The following CAPZA1 variants were observed in gnomAD, a reference collection of about 807,000 sequenced individuals.
CAPZA1 encodes the protein F-actin-capping protein subunit alpha-1.
CAPZA1 carries 10 observed loss-of-function variants against 40.8 expected under a neutral mutation model. That is an observed-to-expected ratio of 0.25 (90% CI 0.15 to 0.42). CAPZA1 has a LOEUF of 0.42. Among genes scored for constraint, CAPZA1 ranks in the 10% least tolerant of loss-of-function variants. The pLI is 1.00. For synonymous variants in CAPZA1, 98 were observed against 115.0 expected (o/e 0.85, Z 0.95); for missense variants, 277 against 353.8 (o/e 0.78, Z 1.74).
intron 1 of CAPZA1, among the ~76,000 whole-genome samples, chr1:112,640,187 TGG>T (rs1443267937): frequency 1.3e-4 from 11 of 83,410 alleles, no homozygotes; most frequent in Non-Finnish European, 1.2e-4. Flanking sequence ...GGGAGGGAGG[TGG>T]GGGGGTCAGC....
intron 3 of CAPZA1, 76 bp from the exon 4 acceptor site, chr1:112,653,522 G>A: frequency 1.1e-6 from 1 of 933,004 alleles, no homozygotes; most frequent in East Asian, 2.7e-5. Context: ...ACCACCTTTT[G>A]TGTTTATTTA....
chr1:112,666,567 A>G (rs1253004847), intron 7 of CAPZA1, among the ~76,000 whole-genome samples: 2 of 152,238 alleles, frequency 1.3e-5, no homozygotes, highest in African/African-American at 4.8e-5. Flanking sequence ...ATTTACCAAT[A>G]AAATATTTGT....
intron 1 of CAPZA1, among the ~76,000 whole-genome samples, chr1:112,624,005 C>CAAAAAAAA (rs749422218): frequency 1.6e-4 from 12 of 74,784 alleles, no homozygotes; most frequent in African/African-American, 3.7e-4. Context: ...GACTCCATCT[C>CAAAAAAAA]AAAAAAAAAA....
chr1:112,651,297 T>G (rs562484232), intron 3 of CAPZA1, among the ~76,000 whole-genome samples: 3 of 152,332 alleles, frequency 2.0e-5, no homozygotes, highest in South Asian at 2.1e-4. Flanking sequence ...AAGATTGTTT[T>G]GAGTAGAGAA....
chr1:112,650,120 A>T (rs1171274967), intron 3 of CAPZA1: 1 of 152,272 alleles, frequency 6.6e-6, no homozygotes, highest in African/African-American at 2.4e-5. Flanking sequence ...TGTCTACCCA[A>T]CTGGCTCAGA....
chr1:112,631,594 G>A (rs147652477), intron 1 of CAPZA1, among the ~76,000 whole-genome samples: 25 of 152,206 alleles, frequency 1.6e-4, no homozygotes, highest in Admixed American at 4.6e-4. Flanking sequence ...AGGCAAAACC[G>A]TTCTTGTTTC....
intron 7 of CAPZA1, among the ~76,000 whole-genome samples, chr1:112,662,751 A>T (rs993485210): frequency 6.6e-6 from 1 of 151,948 alleles, no homozygotes; most frequent in African/African-American, 2.4e-5. Flanking sequence ...CTTACCCTAT[A>T]TTCCTTTCCA....
At chr1:112,647,947 G>A (rs957056245) in intron 2 of CAPZA1, among the ~76,000 whole-genome samples, 3 of 152,180 alleles carry the variant, frequency 2.0e-5, no homozygotes, top group African/African-American at 7.2e-5. Flanking sequence ...CCCATTTTAA[G>A]TTATTAAGTT....
In CAPZA1 at chr1:112,669,525, TCTTC is replaced by T. The variant is rs771447157; in HGVS notation, c.658-9_658-6del. 5 of 1,590,860 alleles carry T rather than the reference TCTTC, an allele frequency of 3.1e-6. No individual in the cohort carries two copies. The highest frequency in any genetic ancestry group is 2.2e-5 in the South Asian group (2 of 90,084). ...TTAAAAAAAAATCTGATTTTCCCCT[TCTTC>T]CTTCCTTCATTAGAATGAAGCCCAA... On this transcript the variant is annotated splice_polypyrimidine_tract_variant and intron_variant, in intron 8 of 9. Coordinates refer to ENST00000263168, the MANE Select transcript of CAPZA1 (RefSeq NM_006135.3).
At chr1:112,652,205 G>C (rs1671402383) in intron 3 of CAPZA1, among the ~76,000 whole-genome samples, 1 of 151,670 alleles carries the variant, frequency 6.6e-6, no homozygotes, top group Non-Finnish European at 1.5e-5. Context: ...TTAGAGGCTG[G>C]GCACGGTGGT....
chr1:112,627,587 AT>A (rs1468776684), intron 1 of CAPZA1, among the ~76,000 whole-genome samples: 1 of 141,938 alleles, frequency 7.0e-6, no homozygotes, highest in East Asian at 2.2e-4. Context: ...AGCCGAGATC[AT>A]GCCATTGCAC....
chr1:112,658,616 C>T (rs1244631142), intron 5 of CAPZA1, among the ~76,000 whole-genome samples: 1 of 152,170 alleles, frequency 6.6e-6, no homozygotes, highest in African/African-American at 2.4e-5. Context: ...ATTACATGAC[C>T]TAAATCTACC....
At position 112,670,103 on chromosome 1, in the gene CAPZA1, A is replaced by C; in HGVS notation, c.832A>C (p.Lys278Gln). 6.2e-7 allele frequency: 1 copy of C among 1,613,996 alleles called. No individual in the cohort carries two copies. The highest frequency in any genetic ancestry group is 8.5e-7 in the Non-Finnish European group (1 of 1,179,860). ...KIDWNKILSYKIGKEMQNA is the reference protein window; with the variant it reads ...KIDWNKILSYQIGKEMQNA Reference sequence around the variant, plus strand: ...CGACTGGAACAAGATACTCAGCTACAAGATTGGCAAAGAAATGCAGAATGC... The same window carrying C: ...CGACTGGAACAAGATACTCAGCTACCAGATTGGCAAAGAAATGCAGAATGC... Residue 278 changes from lysine to glutamine, a missense_variant, in exon 10 of 10, where the codon AAG becomes CAG. By Grantham distance (53) the Lys-to-Gln change is moderately conservative. Transcript: ENST00000263168.
intron 7 of CAPZA1, among the ~76,000 whole-genome samples, chr1:112,665,139 G>T (rs1671698447): frequency 6.6e-6 from 1 of 150,650 alleles, no homozygotes; most frequent in Non-Finnish European, 1.5e-5. Context: ...ATATCTCCTG[G>T]TAGCATAGAC....
intron 6 of CAPZA1, 68 bp from the exon 7 acceptor site, chr1:112,659,633 T>C: frequency 1.7e-6 from 2 of 1,194,658 alleles, no homozygotes; most frequent in Non-Finnish European, 2.5e-6. Flanking sequence ...CTTCTGTACC[T>C]CAGTGGCAAA....
chr1:112,641,491 A>T (rs1000228038), intron 1 of CAPZA1, among the ~76,000 whole-genome samples: 1 of 152,160 alleles, frequency 6.6e-6, no homozygotes. Context: ...TTATAAACCC[A>T]TGTCAACAAA....
chr1:112,666,915 A>G, intron 7 of CAPZA1, 159 bp from the exon 8 acceptor site: 1 of 569,412 alleles, frequency 1.8e-6, no homozygotes, highest in Non-Finnish European at 3.2e-6. Context: ...GGATTAATTA[A>G]CCACCATTGT....
chr1:112,640,589 G>T (rs547244783), intron 1 of CAPZA1, among the ~76,000 whole-genome samples: 1 of 150,048 alleles, frequency 6.7e-6, no homozygotes, highest in African/African-American at 2.5e-5. Flanking sequence ...CCCCATCCGG[G>T]AGGGAGGTGG....
chr1:112,638,227 T>C (rs752353531), intron 1 of CAPZA1, among the ~76,000 whole-genome samples: 44 of 152,126 alleles, frequency 2.9e-4, no homozygotes, highest in Non-Finnish European at 5.9e-4. Flanking sequence ...ACAAGAAATA[T>C]ACCCTGAGGC....
Sources: gnomAD v4.1 joint callset for allele counts (sites outside exome capture counted in the v4.1 genomes callset) on GRCh38, gnomAD v4.1.1 for gene constraint, MANE v1.5 for transcripts, NCBI Gene and HGNC (gene_info 2026-07-23, HGNC 2026-07-21) for gene names.